PCDH11X: variants seen among roughly 807,000 people sequenced by gnomAD.
PCDH11X encodes protocadherin 11 X-linked.
PCDH11X carries 18 observed loss-of-function variants against 53.3 expected under a neutral mutation model. The ratio of observed to expected loss-of-function variants is 0.34; its 90% CI spans 0.23 to 0.50. PCDH11X has a LOEUF of 0.50. Ranked by LOEUF, PCDH11X falls within the 20% of genes least tolerant of loss-of-function variation. The probability of loss-of-function intolerance (pLI) is 0.98; values close to 1 mark genes in which losing one functional copy is unlikely to be tolerated. For synonymous variants in PCDH11X, 279 were observed against 393.3 expected (o/e 0.71, Z 3.44); for missense variants, 570 against 1,032.4 (o/e 0.55, Z 6.14).
At chrX:92,248,950 A>G (rs938939578) in intron 7 of PCDH11X, among the ~76,000 whole-genome samples, 8 of 111,391 alleles carry the variant, frequency 7.2e-5, no homozygotes, top group African/African-American at 1.6e-4. Context: ...GTGATCCACC[A>G]GCCTTGGCCT....
chrX:92,128,938 T>A (rs2064922067), intron 6 of PCDH11X, among the ~76,000 whole-genome samples: 1 of 109,631 alleles, frequency 9.1e-6, no homozygotes, highest in Non-Finnish European at 1.9e-5. Flanking sequence ...ATAATTATTA[T>A]AATTTTCATT....
At chrX:92,271,333 G>T (rs2067953212) in intron 8 of PCDH11X, among the ~76,000 whole-genome samples, 1 of 112,155 alleles carries the variant, frequency 8.9e-6, no homozygotes, top group Admixed American at 9.5e-5. Context: ...GTAACGTATT[G>T]TTAACAGTGC....
intron 1 of PCDH11X, among the ~76,000 whole-genome samples, chrX:91,790,849 A>G (rs1463957235): frequency 1.3e-4 from 14 of 110,229 alleles, no homozygotes; most frequent in Admixed American, 2.0e-4. Flanking sequence ...AATAAGTGTA[A>G]ATGTTTAAAT....
rs558619932 is a variant in PCDH11X, at chrX:91,812,653, C to T, written c.-45+1358C>T. Reference sequence around the variant, plus strand: ...TTCATAACAGCTTGTTGCTCAGACTCTATGAGTACTTCTTATTTTGTTAGT... The same window carrying T: ...TTCATAACAGCTTGTTGCTCAGACTTTATGAGTACTTCTTATTTTGTTAGT... On this transcript the variant is annotated intron_variant, in intron 4 of 10. Transcript: ENST00000682573. Among the ~76,000 whole-genome samples the T allele has an allele frequency of 9.6e-4, 107 of 111,470 alleles. No individual in the cohort carries two copies. In the South Asian group the frequency reaches 0.04, roughly 42 times the overall value.
At chrX:92,275,813 T>C (rs1340548414) in intron 8 of PCDH11X, among the ~76,000 whole-genome samples, 1 of 110,844 alleles carries the variant, frequency 9.0e-6, no homozygotes, top group Non-Finnish European at 1.9e-5. Flanking sequence ...GATGGGATAT[T>C]GGTGTTGAGC....
chrX:92,055,996 A>G (rs1455673255), intron 6 of PCDH11X, among the ~76,000 whole-genome samples: 1 of 109,745 alleles, frequency 9.1e-6, no homozygotes, highest in Non-Finnish European at 1.9e-5. Flanking sequence ...TGTAGTGAAC[A>G]TATGTGTACA....
At chrX:92,131,630 G>T (rs755892031) in intron 6 of PCDH11X, among the ~76,000 whole-genome samples, 8 of 111,615 alleles carry the variant, frequency 7.2e-5, no homozygotes, top group Non-Finnish European at 1.5e-4. Flanking sequence ...CTGTAAATGT[G>T]CATCCATTTA....
chrX:92,517,156 C>T (rs1056800390), intron 10 of PCDH11X, among the ~76,000 whole-genome samples: 2 of 111,106 alleles, frequency 1.8e-5, no homozygotes, highest in African/African-American at 3.3e-5. Flanking sequence ...CTGAATGATT[C>T]GAACCTTCCC....
At chrX:91,850,765 A>T (rs12387760) in intron 5 of PCDH11X, among the ~76,000 whole-genome samples, 11,777 of 109,893 alleles carry the variant, frequency 0.11, 1,574 homozygotes, top group African/African-American at 0.37. Context: ...CACGGATTGA[A>T]AACAGGTTTA....
chrX:91,894,638 T>G (rs1252677533), intron 6 of PCDH11X, among the ~76,000 whole-genome samples: 3 of 111,322 alleles, frequency 2.7e-5, no homozygotes, highest in African/African-American at 9.8e-5. Context: ...ATAACAATAT[T>G]CCAAATATGC....
At chrX:92,255,898 C>T (rs886343086) in intron 7 of PCDH11X, among the ~76,000 whole-genome samples, 17 of 112,574 alleles carry the variant, frequency 1.5e-4, no homozygotes, top group Admixed American at 3.7e-4. Flanking sequence ...TTTGTCTATG[C>T]CCTGCCCCCA....
intron 10 of PCDH11X, among the ~76,000 whole-genome samples, chrX:92,563,066 T>G (rs1451831540): frequency 2.4e-5 from 2 of 84,076 alleles, no homozygotes; most frequent in Non-Finnish European, 4.6e-5. Flanking sequence ...TTTTTTTTTT[T>G]TTTTTTTTTT....
chrX:91,801,972 G>T (rs1602858565), intron 1 of PCDH11X, among the ~76,000 whole-genome samples: 1 of 113,235 alleles, frequency 8.8e-6, no homozygotes, highest in East Asian at 2.8e-4. Context: ...TTGAAGAATT[G>T]GTCTCGAGAG....
At chrX:92,134,768 T>C (rs1603020935) in intron 6 of PCDH11X, among the ~76,000 whole-genome samples, 1 of 111,834 alleles carries the variant, frequency 8.9e-6, no homozygotes, top group African/African-American at 3.3e-5. Context: ...ACCACGTATT[T>C]GTTAACTGTC....
At chrX:91,985,428 C>A (rs1168949945) in intron 6 of PCDH11X, among the ~76,000 whole-genome samples, 2 of 112,272 alleles carry the variant, frequency 1.8e-5, no homozygotes, top group Non-Finnish European at 3.8e-5. Flanking sequence ...TTGCTTGAAC[C>A]CGGGAGGCGG....
chrX:92,315,884 G>A (rs1245312261), intron 8 of PCDH11X, among the ~76,000 whole-genome samples: 1 of 106,539 alleles, frequency 9.4e-6, no homozygotes, highest in Admixed American at 1.0e-4. Context: ...GCGGCTGTAT[G>A]TTTTTAACTG....
rs763720552 is a variant in PCDH11X at position 92,118,977 on chromosome X, G to A, written c.3034-82398G>A. ...AGGATGGTTTCGATCTCCTGACCTC[G>A]TGATCCGCCCTCCTCAGCCTCCCAA... On this transcript the variant is annotated intron_variant, in intron 6 of 10. Coordinates refer to ENST00000682573, the MANE Select transcript of PCDH11X (RefSeq NM_032968.5). Among the ~76,000 whole-genome samples, 7 of 109,823 alleles carry A rather than the reference G, an allele frequency of 6.4e-5. No homozygotes were observed. The South Asian group carries it at 2.7e-3, about 43-fold the overall frequency.
intron 10 of PCDH11X, among the ~76,000 whole-genome samples, chrX:92,578,318 C>A (rs1442630587): frequency 9.4e-6 from 1 of 106,176 alleles, no homozygotes; most frequent in African/African-American, 3.5e-5. Context: ...ATGTAACAAA[C>A]CTGCACGTTC....
chrX:92,453,625 T>G (rs1242938920), intron 9 of PCDH11X, among the ~76,000 whole-genome samples: 4 of 111,522 alleles, frequency 3.6e-5, no homozygotes, highest in Non-Finnish European at 7.5e-5. Flanking sequence ...GTGCTGTGTT[T>G]TACTTTTCTC....
Sources: allele counts gnomAD v4.1 joint callset (sites outside exome capture counted in the v4.1 genomes callset), GRCh38; gene constraint gnomAD v4.1.1; transcripts MANE v1.5; gene names NCBI Gene and HGNC (gene_info 2026-07-23, HGNC 2026-07-21).